The following CSMD2 variants were observed in gnomAD, a reference collection of about 807,000 sequenced individuals.
CSMD2 encodes the protein CUB and Sushi multiple domains 2.
In CSMD2, 130 loss-of-function variants were observed where a neutral mutation model predicts 398.5. That is an observed-to-expected ratio of 0.33 (90% CI 0.28 to 0.38). The LOEUF is 0.38. Among genes scored for constraint, CSMD2 ranks in the 10% least tolerant of loss-of-function variants. The pLI is 1.00. For missense variants in CSMD2, 3,829 were observed against 4,764.9 expected, an observed-to-expected ratio of 0.80 and a Z score of 5.78; for synonymous variants, 1,828 against 1,908.5, an observed-to-expected ratio of 0.96 and a Z score of 1.10.
intron 19 of CSMD2, among the ~76,000 whole-genome samples, chr1:33,723,065 C>A (rs1646411507): frequency 6.6e-6 from 1 of 152,228 alleles, no homozygotes; most frequent in Non-Finnish European, 1.5e-5. Flanking sequence ...TGTGTGCACA[C>A]ACGGAGGGAT....
chr1:33,950,897 G>T (rs139345333), intron 3 of CSMD2, among the ~76,000 whole-genome samples: 244 of 152,324 alleles, frequency 1.6e-3, no homozygotes, highest in African/African-American at 5.4e-3. Flanking sequence ...CTGAAGAGCT[G>T]CTGTTGACCT....
rs1169172381 is a variant in CSMD2 at position 33,531,346 on chromosome 1, TG to T, written c.10171+1703del. Among the ~76,000 whole-genome samples, 5 of 152,202 alleles carry T rather than the reference TG, an allele frequency of 3.3e-5. No homozygotes were observed. In the East Asian group the frequency reaches 9.6e-4, roughly 29 times the overall value. On this transcript the variant is annotated intron_variant, in intron 64 of 70. Coordinates refer to ENST00000373381, the MANE Select transcript of CSMD2 (RefSeq NM_001281956.2). ...TACACTAAAACAGGATGGACAAGTG[TG>T]GGGAAGGATGTCGAGAAATTGGACC... is the stretch of plus-strand genomic sequence containing the variant.
intron 6 of CSMD2, among the ~76,000 whole-genome samples, chr1:33,831,545 TG>T (rs1420837152): frequency 6.6e-6 from 1 of 151,482 alleles, no homozygotes; most frequent in Non-Finnish European, 1.5e-5. Context: ...TGGTACCAGC[TG>T]CTGCAAAATC....
At chr1:33,963,594 A>G (rs1320014986) in intron 3 of CSMD2, among the ~76,000 whole-genome samples, 1 of 152,052 alleles carries the variant, frequency 6.6e-6, no homozygotes, top group Non-Finnish European at 1.5e-5. Flanking sequence ...CCCAGGCAAC[A>G]ACTGATCTGC....
intron 28 of CSMD2, among the ~76,000 whole-genome samples, chr1:33,648,730 C>A (rs1643596926): frequency 6.6e-6 from 1 of 152,204 alleles, no homozygotes; most frequent in Admixed American, 6.5e-5. Context: ...TGCCCGACAA[C>A]AATGCTCCTG....
At chr1:33,687,407 A>T (rs979140545) in intron 25 of CSMD2, among the ~76,000 whole-genome samples, 1 of 152,228 alleles carries the variant, frequency 6.6e-6, no homozygotes, top group African/African-American at 2.4e-5. Context: ...TTTCCAAAAC[A>T]AAAAGAGGGT....
At chr1:33,913,658 G>A (rs1336884431) in intron 5 of CSMD2, among the ~76,000 whole-genome samples, 1 of 152,140 alleles carries the variant, frequency 6.6e-6, no homozygotes, top group Non-Finnish European at 1.5e-5. Flanking sequence ...AGAGGTGGCT[G>A]GTTTTGAGCC....
rs963799511 is a variant in CSMD2, at chr1:33,652,469, GAGA to G, written c.4448-11_4448-9del. ...GGTCTCCCCCGCAGGGAGCTGAGGA[GAGA>G]AGAAGACGAGGGTGAGGCTGCCTCT... On this transcript the variant is annotated splice_polypyrimidine_tract_variant and intron_variant, in intron 27 of 70. Transcript: ENST00000373381. 6.8e-6 allele frequency: 11 copies of G among 1,613,196 alleles called. No individual in the cohort carries two copies. The highest frequency in any genetic ancestry group is 4.0e-5 in the African/African-American group (3 of 74,924).
At chr1:33,855,641 C>T (rs1264607204) in intron 5 of CSMD2, among the ~76,000 whole-genome samples, 1 of 152,166 alleles carries the variant, frequency 6.6e-6, no homozygotes, top group East Asian at 1.9e-4. Flanking sequence ...CTTTAGCTGG[C>T]TGTCCCCTGT....
intron 3 of CSMD2, among the ~76,000 whole-genome samples, chr1:33,984,271 C>T (rs1224654003): frequency 1.3e-5 from 2 of 152,156 alleles, no homozygotes; most frequent in African/African-American, 4.8e-5. Context: ...CCTCAGTGAT[C>T]CTGATTTAGA....
chr1:33,813,561 T>C (rs574654333), intron 9 of CSMD2, among the ~76,000 whole-genome samples: 1 of 152,304 alleles, frequency 6.6e-6, no homozygotes, highest in African/African-American at 2.4e-5. Flanking sequence ...GAGACTTCCC[T>C]GAGATCTTCC....
chr1:33,781,456 C>T (rs1468898728), intron 12 of CSMD2, among the ~76,000 whole-genome samples: 1 of 152,238 alleles, frequency 6.6e-6, no homozygotes, highest in African/African-American at 2.4e-5. Flanking sequence ...GTGTCCTGAA[C>T]ATTGTCTGCA....
In CSMD2 at chr1:34,076,015, C is replaced by T. The variant is rs530911001; in HGVS notation, c.404+12962G>A. Among the ~76,000 whole-genome samples, 34 of 152,338 alleles carry T rather than the reference C, an allele frequency of 2.2e-4. 1 individual carries two copies. Among genetic ancestry groups the T allele is most frequent in the Admixed American group, 2.0e-3 (30 of 15,304 alleles). ...GTAAATTTAATTTGAAGCAGCCAGA[C>T]GCTGCCTTCTGGCACCCTGGGATGT... is the stretch of plus-strand genomic sequence containing the variant. On this transcript the variant is annotated intron_variant, in intron 2 of 70. Transcript: ENST00000373381.
chr1:33,582,716 G>A (rs1455749133), intron 47 of CSMD2, among the ~76,000 whole-genome samples: 1 of 152,220 alleles, frequency 6.6e-6, no homozygotes, highest in African/African-American at 2.4e-5. Context: ...TGCCAGAGGA[G>A]TGGTGTATGA....
At chr1:33,989,840 T>C (rs917174655) in intron 3 of CSMD2, among the ~76,000 whole-genome samples, 2 of 152,036 alleles carry the variant, frequency 1.3e-5, no homozygotes, top group Non-Finnish European at 2.9e-5. Context: ...CGGTCAGGGA[T>C]GGGAGGAGAA....
chr1:33,893,310 G>A (rs947403064), intron 5 of CSMD2, among the ~76,000 whole-genome samples: 2 of 152,224 alleles, frequency 1.3e-5, no homozygotes, highest in African/African-American at 4.8e-5. Context: ...GCAGCTAGGA[G>A]CACTGAAAGA....
intron 12 of CSMD2, among the ~76,000 whole-genome samples, chr1:33,787,179 G>A (rs1653635487): frequency 6.6e-6 from 1 of 152,208 alleles, no homozygotes; most frequent in Non-Finnish European, 1.5e-5. Flanking sequence ...AAGCAGGGGA[G>A]GATTCTACCC....
At chr1:33,686,722 A>G (rs970147470) in intron 25 of CSMD2, among the ~76,000 whole-genome samples, 1 of 152,148 alleles carries the variant, frequency 6.6e-6, no homozygotes, top group African/African-American at 2.4e-5. Flanking sequence ...CAGGGTAGGG[A>G]GATGCATCTG....
At chr1:33,667,441 C>A (rs2149015386) in intron 25 of CSMD2, among the ~76,000 whole-genome samples, 1 of 152,314 alleles carries the variant, frequency 6.6e-6, no homozygotes, top group South Asian at 2.1e-4. Flanking sequence ...GGGTAGGTAA[C>A]TTGCACAAGG....
Sources: allele counts gnomAD v4.1 joint callset (sites outside exome capture counted in the v4.1 genomes callset), GRCh38; gene constraint gnomAD v4.1.1; transcripts MANE v1.5; gene names NCBI Gene and HGNC (gene_info 2026-07-23, HGNC 2026-07-21).